Variants in R3HDM2 observed in about 807,000 individuals in gnomAD.
R3HDM2 encodes the protein R3H domain-containing protein 2.
R3HDM2 carries 38 observed loss-of-function variants against 124.5 expected under a neutral mutation model. The ratio of observed to expected loss-of-function variants is 0.31; its 90% CI spans 0.24 to 0.40. The LOEUF (loss-of-function observed/expected upper bound fraction) is 0.40, where lower values mean the gene tolerates loss of function less well. Among genes scored for constraint, R3HDM2 ranks in the 10% least tolerant of loss-of-function variants. The pLI, the probability that R3HDM2 is intolerant of heterozygous loss-of-function variation, is 1.00. For synonymous variants in R3HDM2, 391 were observed against 448.0 expected, an observed-to-expected ratio of 0.87 and a Z score of 1.61; for missense variants, 869 against 1,236.9, an observed-to-expected ratio of 0.70 and a Z score of 4.46.
intron 2 of R3HDM2, among the ~76,000 whole-genome samples, chr12:57,330,780 G>A (rs1176335533): frequency 8.0e-6 from 1 of 125,104 alleles, no homozygotes; most frequent in African/African-American, 3.1e-5. Context: ...CTCACTGCAA[G>A]CTCCGCCTCC....
intron 2 of R3HDM2, among the ~76,000 whole-genome samples, chr12:57,364,592 A>G (rs1357352427): frequency 6.6e-6 from 1 of 151,940 alleles, no homozygotes; most frequent in African/African-American, 2.4e-5. Context: ...GTGTCCTCAT[A>G]TGATCTTTGC....
At chr12:57,297,864 T>C in intron 7 of R3HDM2, 2 of 556,272 alleles carry the variant, frequency 3.6e-6, no homozygotes, top group South Asian at 4.3e-5. Flanking sequence ...TGTTTCTGCA[T>C]TCTTCTTTCA....
chr12:57,280,414 C>G lies in R3HDM2; in HGVS notation c.1288G>C (p.Ala430Pro). 6.2e-7 allele frequency: 1 copy of G among 1,614,046 alleles called. No individual in the cohort carries two copies. Among genetic ancestry groups the G allele is most frequent in the Non-Finnish European group, 8.5e-7 (1 of 1,179,970 alleles). The change falls in exon 14 of 24, where the codon GCT becomes CCT. Residue 430 changes from alanine (A) to proline (P), a missense_variant. By Grantham distance (27) the Ala-to-Pro change is conservative. Transcript: ENST00000402412. ...QQQQQQQQLP[A>P]LPPTPQQQPP... Reference sequence around the variant, plus strand: ...TGTTGCTGAGGCGTGGGTGGGAGAGCAGGAAGTTGCTGCTGCTGCTGCTGC... The same window carrying G: ...TGTTGCTGAGGCGTGGGTGGGAGAGGAGGAAGTTGCTGCTGCTGCTGCTGC...
chr12:57,348,153 GTGGCTCA>G (rs2137143653), intron 2 of R3HDM2, among the ~76,000 whole-genome samples: 1 of 152,326 alleles, frequency 6.6e-6, no homozygotes. Context: ...GCTTGGCACA[GTGGCTCA>G]TGCCTATAAT....
At chr12:57,422,809 C>A (rs1594661427) in intron 1 of R3HDM2, among the ~76,000 whole-genome samples, 1 of 151,848 alleles carries the variant, frequency 6.6e-6, no homozygotes, top group Non-Finnish European at 1.5e-5. Context: ...AGGAAGAACT[C>A]ATCTCTACAA....
At position 57,423,808 on chromosome 12, in the gene R3HDM2, T is replaced by TAAA. The variant is rs57587261; in HGVS notation, c.-106+6909_-106+6911dup. Among the ~76,000 whole-genome samples, 150 of 51,430 alleles carry TAAA rather than the reference T, an allele frequency of 2.9e-3. 1 individual carries two copies. Among genetic ancestry groups the TAAA allele is most frequent in the Admixed American group, 4.1e-3 (14 of 3,382 alleles). 33.7% of individuals were successfully genotyped at this position (51,430 alleles called of 152,430 possible). On this transcript the variant is annotated intron_variant, in intron 1 of 23. Coordinates refer to ENST00000402412, the MANE Select transcript of R3HDM2 (RefSeq NM_001394031.1). ...GGCAACAGAGCAAGACTGTCTCAAT[T>TAAA]AAAAAAAAAAAAAAAAAAAAAAAAG...
chr12:57,287,963 C>T (rs1361398098), intron 12 of R3HDM2, among the ~76,000 whole-genome samples: 2 of 150,776 alleles, frequency 1.3e-5, no homozygotes, highest in Admixed American at 6.6e-5. Context: ...AATGAACAAT[C>T]GTATGAAGGA....
chr12:57,423,013 G>A (rs995053261), intron 1 of R3HDM2, among the ~76,000 whole-genome samples: 17 of 151,520 alleles, frequency 1.1e-4, no homozygotes, highest in African/African-American at 4.1e-4. Flanking sequence ...AGAATGGGCA[G>A]GAGAAAAAGA....
intron 2 of R3HDM2, among the ~76,000 whole-genome samples, chr12:57,384,227 G>A (rs111517350): frequency 5.9e-5 from 9 of 152,020 alleles, no homozygotes; most frequent in African/African-American, 1.9e-4. Context: ...GGTGGTGGGC[G>A]CCTGTAGTCC....
At chr12:57,403,724 A>T (rs1206154290) in intron 1 of R3HDM2, among the ~76,000 whole-genome samples, 1 of 151,390 alleles carries the variant, frequency 6.6e-6, no homozygotes, top group East Asian at 1.9e-4. Flanking sequence ...AGGTGGGAGG[A>T]GGGAGGATCG....
intron 3 of R3HDM2, 67 bp from the exon 4 acceptor site, chr12:57,303,284 A>G: frequency 7.4e-7 from 1 of 1,350,980 alleles, no homozygotes; most frequent in Non-Finnish European, 1.0e-6. Context: ...AAAACAATAC[A>G]TGTTTATAAA....
intron 12 of R3HDM2, among the ~76,000 whole-genome samples, chr12:57,286,180 A>C (rs1281337950): frequency 6.6e-6 from 1 of 152,216 alleles, no homozygotes. Context: ...ATATTCATGT[A>C]AAATCAGAGC....
At chr12:57,402,014 G>A (rs981917787) in intron 1 of R3HDM2, among the ~76,000 whole-genome samples, 12 of 151,246 alleles carry the variant, frequency 7.9e-5, no homozygotes, top group African/African-American at 2.9e-4. Context: ...GCATGCACAA[G>A]CCAGACACAG....
chr12:57,257,876 A>C, intron 21 of R3HDM2, 114 bp downstream of exon 21: 1 of 1,174,288 alleles, frequency 8.5e-7, no homozygotes, highest in Non-Finnish European at 1.1e-6. Context: ...TAACTCCCAG[A>C]ATTGGATCAT....
intron 11 of R3HDM2, among the ~76,000 whole-genome samples, chr12:57,291,716 A>G (rs1481624320): frequency 6.6e-6 from 1 of 152,030 alleles, no homozygotes; most frequent in Non-Finnish European, 1.5e-5. Context: ...TCTTTTGACA[A>G]TGAAGGGAGA....
intron 5 of R3HDM2, 139 bp from the exon 6 acceptor site, chr12:57,299,617 T>C (rs2050669551): frequency 2.1e-6 from 2 of 954,124 alleles, no homozygotes; most frequent in East Asian, 5.4e-5. Flanking sequence ...TAAACTGTTT[T>C]AGTTTTCTTC....
At chr12:57,318,664 A>G (rs1322651217) in intron 2 of R3HDM2, among the ~76,000 whole-genome samples, 1 of 152,082 alleles carries the variant, frequency 6.6e-6, no homozygotes, top group Non-Finnish European at 1.5e-5. Flanking sequence ...AAAAAGAAAG[A>G]AAAGAAAAAA....
intron 2 of R3HDM2, among the ~76,000 whole-genome samples, chr12:57,320,908 G>A (rs987823273): frequency 1.3e-5 from 2 of 152,076 alleles, no homozygotes; most frequent in Non-Finnish European, 2.9e-5. Context: ...GCAAGACAAC[G>A]ATATCTAGGT....
chr12:57,334,932 G>A (rs1428477030), intron 2 of R3HDM2, among the ~76,000 whole-genome samples: 1 of 150,598 alleles, frequency 6.6e-6, no homozygotes, highest in Non-Finnish European at 1.5e-5. Context: ...GAGGCTAGCA[G>A]TTTGAGAGCA....
Sources: allele counts gnomAD v4.1 joint callset (sites outside exome capture counted in the v4.1 genomes callset), GRCh38; gene constraint gnomAD v4.1.1; transcripts MANE v1.5; gene names NCBI Gene and HGNC (gene_info 2026-07-23, HGNC 2026-07-21).